The following ST8SIA6 variants were observed in gnomAD, a reference collection of about 807,000 sequenced individuals.
ST8SIA6 encodes the protein ST8 alpha-N-acetyl-neuraminide alpha-2,8-sialyltransferase 6.
ST8SIA6 carries 39 observed loss-of-function variants against 33.6 expected under a neutral mutation model. The observed-to-expected ratio is 1.16, with a 90% CI of 0.90 to 1.52. The LOEUF (loss-of-function observed/expected upper bound fraction) is 1.52, where lower values mean the gene tolerates loss of function less well. ST8SIA6 is among the 40% of genes most tolerant of loss of function. The pLI, the probability that ST8SIA6 is intolerant of heterozygous loss-of-function variation, is 0.00. For missense variants in ST8SIA6, 441 were observed against 443.8 expected, an observed-to-expected ratio of 0.99 and a Z score of 0.06; for synonymous variants, 172 against 167.2, an observed-to-expected ratio of 1.03 and a Z score of -0.22.
chr10:17,359,494 T>G lies in ST8SIA6; in HGVS notation c.377+20A>C. ...AACAAGACATTTTTAAAATCTCATA[T>G]TATTTATGAAAAAAATTACCTAAAA... On this transcript the variant is annotated intron_variant, in intron 4 of 7. Coordinates refer to ENST00000377602, the MANE Select transcript of ST8SIA6 (RefSeq NM_001004470.3). 6.5e-7 allele frequency: 1 copy of G among 1,538,096 alleles called. No homozygotes were observed. The highest frequency in any genetic ancestry group is 1.8e-5 in the Admixed American group (1 of 56,530).
chr10:17,399,966 T>G (rs1425605655), intron 2 of ST8SIA6, among the ~76,000 whole-genome samples: 2 of 147,764 alleles, frequency 1.4e-5, no homozygotes, highest in Non-Finnish European at 3.0e-5. Context: ...ACATATAAAA[T>G]GAACATGTGT....
At chr10:17,397,321 C>G (rs542093227) in intron 2 of ST8SIA6, among the ~76,000 whole-genome samples, 21 of 149,618 alleles carry the variant, frequency 1.4e-4, no homozygotes, top group Non-Finnish European at 8.9e-5. Flanking sequence ...GCAACCTCCA[C>G]CTCCTGGGTT....
At chr10:17,394,619 C>T (rs77796551) in intron 2 of ST8SIA6, among the ~76,000 whole-genome samples, 107 of 152,170 alleles carry the variant, frequency 7.0e-4, no homozygotes, top group African/African-American at 2.5e-3. Context: ...TTCCCTGTCC[C>T]CTCCTTTTCA....
chr10:17,320,581 G>A lies in ST8SIA6; in HGVS notation c.*297C>T, dbSNP rs944294906. The A allele has an allele frequency of 5.8e-6, 2 of 347,384 alleles. No homozygotes were observed. Among genetic ancestry groups the A allele is most frequent in the Non-Finnish European group, 1.1e-5 (2 of 189,904 alleles). 21.5% of individuals were successfully genotyped at this position (347,384 alleles called of 1,614,324 possible). On this transcript the variant is annotated 3_prime_UTR_variant, in exon 8 of 8. Transcript: ENST00000377602. Reference sequence around the variant, plus strand: ...AAGGTGGAGATGGCTGGTATAAATAGTAAGAAAGAAATATTCTTTGAGTCC... The same window carrying A: ...AAGGTGGAGATGGCTGGTATAAATAATAAGAAAGAAATATTCTTTGAGTCC...
intron 7 of ST8SIA6, 38 bp from the exon 8 acceptor site, chr10:17,321,384 T>G: frequency 6.6e-7 from 1 of 1,505,522 alleles, no homozygotes; most frequent in Non-Finnish European, 8.9e-7. Flanking sequence ...ATCCCAAGAA[T>G]AATAATCAAA....
At chr10:17,394,716 A>T (rs1850741607) in intron 2 of ST8SIA6, among the ~76,000 whole-genome samples, 1 of 152,188 alleles carries the variant, frequency 6.6e-6, no homozygotes, top group African/African-American at 2.4e-5. Flanking sequence ...ATTCTGGGAT[A>T]AGAGAGGACA....
rs1564405114 is a variant in ST8SIA6, at chr10:17,333,713, A to ATTTT, written c.378-2162_378-2161insAAAA. On this transcript the variant is annotated intron_variant, in intron 4 of 7. Transcript: ENST00000377602. ...TATATATATATATATATATATATAT[A>ATTTT]TATATTTTTTTTTTTTTTTTTTTTT... is the stretch of plus-strand genomic sequence containing the variant. Among the ~76,000 whole-genome samples the ATTTT allele has an allele frequency of 2.6e-3, 68 of 25,666 alleles. 2 individuals carry two copies. The highest frequency in any genetic ancestry group is 9.5e-3 in the African/African-American group (42 of 4,440). The allele number at this position is 25,666 out of a possible 152,430, so 16.8% of individuals were successfully genotyped here.
chr10:17,416,951 T>C (rs761380335), intron 2 of ST8SIA6, among the ~76,000 whole-genome samples: 1 of 152,200 alleles, frequency 6.6e-6, no homozygotes, highest in Non-Finnish European at 1.5e-5. Context: ...CCTCCTTTGC[T>C]CTCTGTATTG....
At chr10:17,355,458 C>G (rs1230751137) in intron 4 of ST8SIA6, among the ~76,000 whole-genome samples, 1 of 152,140 alleles carries the variant, frequency 6.6e-6, no homozygotes, top group Non-Finnish European at 1.5e-5. Context: ...GAGATAGGCA[C>G]TGGAGATACA....
At chr10:17,340,423 G>A (rs929297883) in intron 4 of ST8SIA6, among the ~76,000 whole-genome samples, 4 of 152,034 alleles carry the variant, frequency 2.6e-5, no homozygotes, top group East Asian at 1.9e-4. Context: ...TGCTCACCCC[G>A]CCACTCTGGC....
intron 2 of ST8SIA6, among the ~76,000 whole-genome samples, chr10:17,397,264 A>C (rs1588885090): frequency 1.8e-5 from 2 of 113,508 alleles, no homozygotes; most frequent in African/African-American, 6.8e-5. Flanking sequence ...ACGAAGTCTC[A>C]CTCTTGTCCC....
intron 3 of ST8SIA6, among the ~76,000 whole-genome samples, chr10:17,368,009 AT>A (rs1000736505): frequency 6.6e-6 from 1 of 151,886 alleles, no homozygotes; most frequent in Admixed American, 6.6e-5. Flanking sequence ...TTATCCTTTT[AT>A]TTTCATATAT....
At chr10:17,447,283 G>C (rs1852749305) in intron 2 of ST8SIA6, among the ~76,000 whole-genome samples, 1 of 151,988 alleles carries the variant, frequency 6.6e-6, no homozygotes, top group Non-Finnish European at 1.5e-5. Flanking sequence ...GTGTGGGCCT[G>C]TAATCCCAGC....
intron 2 of ST8SIA6, among the ~76,000 whole-genome samples, chr10:17,450,885 CACACACACACACACAG>C (rs1422778799): frequency 2.0e-5 from 3 of 151,172 alleles, no homozygotes; most frequent in Non-Finnish European, 3.0e-5. Context: ...AATATTTGAA[CACACACACACACACAG>C]ACACACACAC....
intron 2 of ST8SIA6, among the ~76,000 whole-genome samples, chr10:17,397,939 A>C (rs1369708816): frequency 6.6e-6 from 1 of 152,240 alleles, no homozygotes; most frequent in Non-Finnish European, 1.5e-5. Context: ...GTCATTCTTG[A>C]ATTGAAAGTG....
At chr10:17,391,292 T>C (rs949454396) in intron 2 of ST8SIA6, among the ~76,000 whole-genome samples, 1 of 151,760 alleles carries the variant, frequency 6.6e-6, no homozygotes, top group African/African-American at 2.4e-5. Flanking sequence ...AGATGGAGTG[T>C]TGCTCTGTCG....
intron 3 of ST8SIA6, among the ~76,000 whole-genome samples, chr10:17,374,763 A>G (rs1042235230): frequency 1.4e-5 from 2 of 141,566 alleles, no homozygotes; most frequent in African/African-American, 5.3e-5. Flanking sequence ...ATATATATAT[A>G]TATATTTAGC....
chr10:17,445,400 T>G (rs767016107), intron 2 of ST8SIA6, among the ~76,000 whole-genome samples: 1 of 152,174 alleles, frequency 6.6e-6, no homozygotes, highest in Non-Finnish European at 1.5e-5. Context: ...GGAAGAGATA[T>G]TATTAACAAA....
chr10:17,443,902 C>A (rs1345318234), intron 2 of ST8SIA6, among the ~76,000 whole-genome samples: 3 of 152,140 alleles, frequency 2.0e-5, no homozygotes, highest in Non-Finnish European at 4.4e-5. Flanking sequence ...ATTACAGAAC[C>A]CTCGCACCCT....
Sources: gnomAD v4.1 joint callset for allele counts (sites outside exome capture counted in the v4.1 genomes callset) on GRCh38, gnomAD v4.1.1 for gene constraint, MANE v1.5 for transcripts, NCBI Gene and HGNC (gene_info 2026-07-23, HGNC 2026-07-21) for gene names.